Variants in CACNA2D1 observed in about 807,000 individuals in gnomAD.
CACNA2D1 encodes voltage-dependent calcium channel subunit alpha-2/delta-1.
A neutral mutation model predicts 171.5 loss-of-function variants in CACNA2D1; 53 were observed. The observed-to-expected ratio is 0.31, with a 90% CI of 0.25 to 0.39. The LOEUF is 0.39. Among genes scored for constraint, CACNA2D1 ranks in the 10% least tolerant of loss-of-function variants. The probability of loss-of-function intolerance (pLI) is 1.00; values close to 1 mark genes in which losing one functional copy is unlikely to be tolerated. For missense variants in CACNA2D1, 903 were observed against 1,299.8 expected (o/e 0.69, Z 4.69); for synonymous variants, 442 against 443.1 (o/e 1.00, Z 0.03).
At chr7:82,217,841 C>G (rs1317184452) in intron 3 of CACNA2D1, among the ~76,000 whole-genome samples, 1 of 151,324 alleles carries the variant, frequency 6.6e-6, no homozygotes, top group African/African-American at 2.4e-5. Flanking sequence ...CATCAGTGAC[C>G]TACCTACATG....
rs1357916706 is a variant in CACNA2D1, at chr7:82,349,779, C to T, written c.96-130G>A. ...AAATTATTCCTCTCCCTCCTAGCACCGACTATGTCCACCCTTCCACTCCAG... is the reference window on the plus strand; with the variant it reads ...AAATTATTCCTCTCCCTCCTAGCACTGACTATGTCCACCCTTCCACTCCAG... On this transcript the variant is annotated intron_variant, in intron 1 of 38. Coordinates refer to ENST00000356860, the MANE Select transcript of CACNA2D1 (RefSeq NM_000722.4). 9 of 756,696 alleles carry T rather than the reference C, an allele frequency of 1.2e-5. 1 individual carries two copies. The highest frequency in any genetic ancestry group is 1.0e-4 in the South Asian group (7 of 69,526). The allele number at this position is 756,696 out of a possible 1,614,324, so 46.9% of individuals were successfully genotyped here. A position where few individuals can be genotyped will look rare whatever the true frequency, so the allele number is the denominator to read the frequency against.
rs563123285 is a variant in CACNA2D1 at position 82,280,903 on chromosome 7, A to G, written c.294+54232T>C. Among the ~76,000 whole-genome samples, 66 of 152,278 alleles carry G rather than the reference A, an allele frequency of 4.3e-4. No homozygotes were observed. The South Asian group carries it at 0.013, about 29-fold the overall frequency. On this transcript the variant is annotated intron_variant, in intron 3 of 38. Coordinates refer to ENST00000356860, the MANE Select transcript of CACNA2D1 (RefSeq NM_000722.4). ...CAAGTAAATGAAGAACCAAGACACA[A>G]ATTTAGGCTCCTGATTTGGAATCCA...
chr7:82,272,169 TGTA>T (rs901745113), intron 3 of CACNA2D1, among the ~76,000 whole-genome samples: 6 of 152,162 alleles, frequency 3.9e-5, no homozygotes, highest in African/African-American at 1.4e-4. Context: ...GAATCTAAAT[TGTA>T]GTATTCCAGC....
At chr7:81,958,577 T>C (rs999953685) in intron 38 of CACNA2D1, among the ~76,000 whole-genome samples, 5 of 151,780 alleles carry the variant, frequency 3.3e-5, no homozygotes, top group Non-Finnish European at 7.4e-5. Flanking sequence ...TTGTATATAA[T>C]CAATACACAG....
chr7:82,313,475 A>T (rs891234800), intron 3 of CACNA2D1, among the ~76,000 whole-genome samples: 2 of 152,174 alleles, frequency 1.3e-5, no homozygotes, highest in African/African-American at 4.8e-5. Context: ...CTCATCCACA[A>T]GTTATGCTAT....
chr7:82,060,190 T>TAA (rs1491114373), intron 10 of CACNA2D1, among the ~76,000 whole-genome samples: 43 of 13,124 alleles, frequency 3.3e-3, no homozygotes, highest in African/African-American at 6.0e-3. Context: ...TATATATATA[T>TAA]TATATATATA....
intron 18 of CACNA2D1, among the ~76,000 whole-genome samples, chr7:82,000,793 T>C (rs1260324886): frequency 8.4e-6 from 1 of 118,768 alleles, no homozygotes; most frequent in African/African-American, 3.3e-5. Flanking sequence ...TTTTTTTTTT[T>C]TTTTTTTTTT....
intron 4 of CACNA2D1, among the ~76,000 whole-genome samples, chr7:82,145,477 T>C (rs1398315453): frequency 6.9e-6 from 1 of 144,712 alleles, no homozygotes; most frequent in African/African-American, 2.5e-5. Context: ...TTTATATATA[T>C]AAAATTCACT....
At chr7:82,428,951 T>A (rs1342909018) in intron 1 of CACNA2D1, among the ~76,000 whole-genome samples, 1 of 152,142 alleles carries the variant, frequency 6.6e-6, no homozygotes, top group Non-Finnish European at 1.5e-5. Context: ...TAGCAATTTT[T>A]GGGAGTTAGT....
chr7:82,275,238 G>A (rs1226399415), intron 3 of CACNA2D1, among the ~76,000 whole-genome samples: 1 of 152,070 alleles, frequency 6.6e-6, no homozygotes, highest in Non-Finnish European at 1.5e-5. Flanking sequence ...CCTTGCCTCT[G>A]TCATGTAGTT....
Position 82,166,870 on chromosome 7 carries a change from T to C in CACNA2D1, c.354+3680A>G, listed in dbSNP as rs78903016. 7.7e-4 allele frequency among the ~76,000 whole-genome samples: 117 copies of C among 152,194 alleles called. 2 individuals carry two copies. The East Asian group carries it at 0.022, about 28-fold the overall frequency. On this transcript the variant is annotated intron_variant, in intron 4 of 38. Transcript: ENST00000356860. ...TATTCAGTTGGGAATTGAATGGAGC[T>C]GAGAGAGAGTGTGAATTGCATAAGT...
At chr7:82,217,727 A>C (rs191212882) in intron 3 of CACNA2D1, among the ~76,000 whole-genome samples, 492 of 151,206 alleles carry the variant, frequency 3.3e-3, no homozygotes, top group Non-Finnish European at 4.7e-3. Flanking sequence ...AAATAAATTT[A>C]AGGTTATTAA....
intron 10 of CACNA2D1, among the ~76,000 whole-genome samples, chr7:82,044,339 A>G (rs1768332131): frequency 6.6e-6 from 1 of 152,202 alleles, no homozygotes; most frequent in South Asian, 2.1e-4. Flanking sequence ...ACACAACTAT[A>G]GTTTCTGAAA....
At chr7:82,175,464 A>C (rs542673071) in intron 3 of CACNA2D1, among the ~76,000 whole-genome samples, 1 of 152,098 alleles carries the variant, frequency 6.6e-6, no homozygotes, top group Non-Finnish European at 1.5e-5. Flanking sequence ...ACCTATGTTG[A>C]CAATTCAATT....
chr7:82,152,102 A>G (rs1425124379), intron 4 of CACNA2D1, among the ~76,000 whole-genome samples: 1 of 152,022 alleles, frequency 6.6e-6, no homozygotes, highest in East Asian at 1.9e-4. Context: ...GTATCAAACT[A>G]TATATTTACA....
At chr7:82,246,924 A>T (rs1243646789) in intron 3 of CACNA2D1, among the ~76,000 whole-genome samples, 5 of 152,066 alleles carry the variant, frequency 3.3e-5, no homozygotes, top group African/African-American at 7.2e-5. Flanking sequence ...AAGACACCCC[A>T]TATCTAGGGT....
chr7:82,293,786 A>C (rs543685404), intron 3 of CACNA2D1, among the ~76,000 whole-genome samples: 1 of 152,140 alleles, frequency 6.6e-6, no homozygotes, highest in Non-Finnish European at 1.5e-5. Flanking sequence ...ATGAATCTTT[A>C]TGTTTTCAGC....
At chr7:82,407,346 T>C (rs920551599) in intron 1 of CACNA2D1, among the ~76,000 whole-genome samples, 1 of 152,242 alleles carries the variant, frequency 6.6e-6, no homozygotes, top group Admixed American at 6.5e-5. Context: ...AAGTAAGATA[T>C]GAGTACACCA....
intron 3 of CACNA2D1, among the ~76,000 whole-genome samples, chr7:82,273,068 T>C (rs1223174439): frequency 6.6e-6 from 1 of 152,098 alleles, no homozygotes; most frequent in Non-Finnish European, 1.5e-5. Flanking sequence ...CTAAATAAAA[T>C]CACAAAATAA....
Sources: gnomAD v4.1 joint callset for allele counts (sites outside exome capture counted in the v4.1 genomes callset) on GRCh38, gnomAD v4.1.1 for gene constraint, MANE v1.5 for transcripts, NCBI Gene and HGNC (gene_info 2026-07-23, HGNC 2026-07-21) for gene names.